Variants in LAMA2 observed in about 807,000 individuals in gnomAD.
LAMA2 encodes laminin subunit alpha 2, also known as laminin subunit alpha-2.
In LAMA2, 269 loss-of-function variants were observed where a neutral mutation model predicts 364.8. That is an observed-to-expected ratio of 0.74 (90% confidence interval 0.67 to 0.82). LAMA2 has a LOEUF of 0.82. Ranked by LOEUF, LAMA2 falls within the 40% of genes least tolerant of loss-of-function variation. LAMA2 has a pLI of 0.00. For synonymous variants in LAMA2, 1,379 were observed against 1,370.6 expected (o/e 1.01, Z -0.14); for missense variants, 3,807 against 3,873.2 (o/e 0.98, Z 0.45).
intron 1 of LAMA2, among the ~76,000 whole-genome samples, chr6:128,933,256 G>GTGTGTGTGTC (rs1210579149): frequency 6.6e-6 from 1 of 151,366 alleles, no homozygotes; most frequent in Non-Finnish European, 1.5e-5. Context: ...GTGTGTGTGT[G>GTGTGTGTGTC]TGTGTGTGTC....
chr6:129,443,056 C>T lies in LAMA2; in HGVS notation c.6269-7C>T. On this transcript the variant is annotated splice_polypyrimidine_tract_variant and splice_region_variant and intron_variant, in intron 43 of 64. Coordinates refer to ENST00000421865, the MANE Select transcript of LAMA2 (RefSeq NM_000426.4). ...TTTGTTTTGCTTCCATGTGAAATTG[C>T]CTGCAGAAATCAGTACGTATATGTT... 1 of 1,588,690 alleles carries T rather than the reference C, an allele frequency of 6.3e-7. No homozygotes were observed. Among genetic ancestry groups the T allele is most frequent in the African/African-American group, 1.4e-5 (1 of 73,994 alleles).
chr6:129,443,860 A>T (rs1427365559), intron 44 of LAMA2, among the ~76,000 whole-genome samples: 2 of 152,210 alleles, frequency 1.3e-5, no homozygotes, highest in Non-Finnish European at 2.9e-5. Flanking sequence ...GCGGAAAATG[A>T]GAGCAACTAC....
At chr6:128,924,932 A>T (rs1232531391) in intron 1 of LAMA2, among the ~76,000 whole-genome samples, 1 of 152,252 alleles carries the variant, frequency 6.6e-6, no homozygotes, top group Non-Finnish European at 1.5e-5. Context: ...AAAAAATAGT[A>T]TGTGAATATA....
At chr6:129,141,387 A>G (rs1232695372) in intron 4 of LAMA2, among the ~76,000 whole-genome samples, 2 of 152,078 alleles carry the variant, frequency 1.3e-5, no homozygotes, top group Non-Finnish European at 2.9e-5. Context: ...TCACTCTTTT[A>G]GAATCCCTGC....
chr6:128,944,832 C>T (rs1462289286), intron 1 of LAMA2, among the ~76,000 whole-genome samples: 1 of 152,040 alleles, frequency 6.6e-6, no homozygotes, highest in Non-Finnish European at 1.5e-5. Flanking sequence ...GTGCTACATA[C>T]TTTAAAATGA....
In LAMA2 at chr6:129,100,730, A is replaced by T. The variant is rs116794242; in HGVS notation, c.639+2315A>T. On this transcript the variant is annotated intron_variant, in intron 4 of 64. Coordinates refer to ENST00000421865, the MANE Select transcript of LAMA2 (RefSeq NM_000426.4). ...GTAAGTAGAAAGAATCCTAATTCTG[A>T]TATATCATGGCATAGAAAAAGACAC... is the stretch of plus-strand genomic sequence containing the variant. 8.3e-3 allele frequency among the ~76,000 whole-genome samples: 1,265 copies of T among 152,298 alleles called. 13 individuals carry two copies. Among genetic ancestry groups the T allele is most frequent in the African/African-American group, 0.029 (1,191 of 41,562 alleles).
At chr6:129,089,804 G>A (rs1774701857) in intron 3 of LAMA2, among the ~76,000 whole-genome samples, 1 of 152,160 alleles carries the variant, frequency 6.6e-6, no homozygotes, top group Non-Finnish European at 1.5e-5. Context: ...ATAAGCTGAG[G>A]GAGGACCTTA....
In LAMA2 at chr6:129,445,673, A is replaced by T; in HGVS notation, c.6281A>T (p.Asp2094Val). 1 of 1,613,964 alleles carries T rather than the reference A, an allele frequency of 6.2e-7. No homozygotes were observed. Among genetic ancestry groups the T allele is most frequent in the Non-Finnish European group, 8.5e-7 (1 of 1,179,864 alleles). Residue 2094 changes from aspartate to valine, a missense_variant, in exon 45 of 65, where the codon GAT becomes GTT. Around this residue, in one of 3 missense-constraint regions of LAMA2, gnomAD observed 3,333 missense variants for 3,345.7 expected, o/e 1.00. Transcript: ENST00000421865. ...CTAATTTTGTTCTATGCAGTTGCCG[A>T]TGCAGATGCCACTGTCAAAAATTTA... ...KDPSKNKIIA[D>V]ADATVKNLEQ...
chr6:129,378,795 C>T (rs1250116702), intron 34 of LAMA2, among the ~76,000 whole-genome samples: 1 of 152,208 alleles, frequency 6.6e-6, no homozygotes, highest in African/African-American at 2.4e-5. Flanking sequence ...TTAACCTCCT[C>T]ATACCTTCCT....
At chr6:129,229,685 T>A (rs914473803) in intron 12 of LAMA2, among the ~76,000 whole-genome samples, 3 of 152,114 alleles carry the variant, frequency 2.0e-5, no homozygotes, top group Non-Finnish European at 4.4e-5. Flanking sequence ...ATGGTGAAAA[T>A]GATCAAGTGT....
chr6:128,938,584 A>G (rs1779974630), intron 1 of LAMA2, among the ~76,000 whole-genome samples: 1 of 152,194 alleles, frequency 6.6e-6, no homozygotes, highest in African/African-American at 2.4e-5. Flanking sequence ...TTGACTATCA[A>G]TTCAATGCCT....
chr6:129,250,484 A>T (rs1786097653), intron 13 of LAMA2, among the ~76,000 whole-genome samples: 1 of 152,196 alleles, frequency 6.6e-6, no homozygotes, highest in African/African-American at 2.4e-5. Context: ...CAAAATTTAA[A>T]TATTATGAAA....
chr6:129,470,395 C>T (rs1783753230), intron 51 of LAMA2, among the ~76,000 whole-genome samples: 4 of 151,902 alleles, frequency 2.6e-5, no homozygotes, highest in Admixed American at 1.3e-4. Context: ...TCCAAGCATA[C>T]ATACATTTAA....
At chr6:129,033,147 T>C (rs930631699) in intron 1 of LAMA2, among the ~76,000 whole-genome samples, 1 of 151,828 alleles carries the variant, frequency 6.6e-6, no homozygotes, top group Admixed American at 6.6e-5. Flanking sequence ...TGGGTAAGAT[T>C]TGGGGAAGAG....
At chr6:129,111,423 A>T (rs943903961) in intron 4 of LAMA2, among the ~76,000 whole-genome samples, 1 of 151,964 alleles carries the variant, frequency 6.6e-6, no homozygotes, top group East Asian at 1.9e-4. Context: ...TTCTTTGTGT[A>T]AATTTGTTCT....
intron 1 of LAMA2, among the ~76,000 whole-genome samples, chr6:128,972,754 T>C (rs59063850): frequency 0.041 from 6,172 of 152,116 alleles, 442 homozygotes; most frequent in African/African-American, 0.14. Flanking sequence ...TTGGAAAGGA[T>C]GGTTTGTAGA....
At position 129,137,774 on chromosome 6, in the gene LAMA2, A is replaced by G. The variant is rs189839901; in HGVS notation, c.640-6127A>G. ...CTGCTATTGATATGTTCATTCAACA[A>G]ATAATTACTGATAATATAGTATGTA... is the stretch of plus-strand genomic sequence containing the variant. On this transcript the variant is annotated intron_variant, in intron 4 of 64. Transcript: ENST00000421865. 5.4e-3 allele frequency among the ~76,000 whole-genome samples: 817 copies of G among 152,280 alleles called. 1 individual carries two copies. Among genetic ancestry groups the G allele is most frequent in the Non-Finnish European group, 8.9e-3 (608 of 68,000 alleles).
intron 21 of LAMA2, among the ~76,000 whole-genome samples, chr6:129,300,019 T>C (rs1268020927): frequency 6.6e-6 from 1 of 152,214 alleles, no homozygotes; most frequent in African/African-American, 2.4e-5. Context: ...ATGCATTCCT[T>C]GTCTTGGATG....
chr6:129,121,415 AAT>A (rs1776800722), intron 4 of LAMA2, among the ~76,000 whole-genome samples: 1 of 152,098 alleles, frequency 6.6e-6, no homozygotes, highest in Admixed American at 6.5e-5. Context: ...ATTTAACTTG[AAT>A]ATTTTAATTT....
Sources: gnomAD v4.1 joint callset for allele counts (sites outside exome capture counted in the v4.1 genomes callset) on GRCh38, gnomAD v4.1.1 for gene constraint, gnomAD v4.1.1 regional missense constraint, MANE v1.5 for transcripts, NCBI Gene and HGNC (gene_info 2026-07-23, HGNC 2026-07-21) for gene names.